The following AGBL3 variants were observed in gnomAD, a reference collection of about 807,000 sequenced individuals.
AGBL3 encodes AGBL carboxypeptidase 3.
AGBL3 carries 68 observed loss-of-function variants against 94.5 expected under a neutral mutation model. The ratio of observed to expected loss-of-function variants is 0.72; its 90% CI spans 0.59 to 0.88. AGBL3 has a LOEUF of 0.88. AGBL3 is among the 40% of genes least tolerant of loss of function. The probability of loss-of-function intolerance (pLI) is 0.00; values close to 1 mark genes in which losing one functional copy is unlikely to be tolerated. For missense variants in AGBL3, 934 were observed against 1,103.8 expected (o/e 0.85, Z 2.18); for synonymous variants, 354 against 370.7 (o/e 0.95, Z 0.52).
chr7:135,012,263 T>A (rs1046902824), intron 4 of AGBL3: 8 of 152,148 alleles, frequency 5.3e-5, no homozygotes, highest in Admixed American at 4.6e-4. Context: ...TGCATATATA[T>A]GAATGCTTAG....
rs6964539 is a variant in AGBL3 at position 135,085,886 on chromosome 7, A to G, written c.2110+4096A>G. ...TTTTTCCATTTCTGTGAAGAATGTT[A>G]TTGGTATTTTGATAGGGAGTGCATT... On this transcript the variant is annotated intron_variant, in intron 15 of 16. Coordinates refer to ENST00000436302, the MANE Select transcript of AGBL3 (RefSeq NM_178563.4). 7.1e-3 allele frequency among the ~76,000 whole-genome samples: 1,083 copies of G among 152,096 alleles called. 15 individuals are homozygous for G. Among genetic ancestry groups the G allele is most frequent in the African/African-American group, 0.025 (1,023 of 41,522 alleles).
intron 6 of AGBL3, 41 bp downstream of exon 6, chr7:135,033,023 A>G: frequency 2.0e-6 from 3 of 1,484,550 alleles, no homozygotes; most frequent in Non-Finnish European, 2.7e-6. Flanking sequence ...TAGACCATCA[A>G]CTATTATTTT....
chr7:135,079,425 T>C (rs1243876663), intron 13 of AGBL3, among the ~76,000 whole-genome samples: 5 of 152,108 alleles, frequency 3.3e-5, no homozygotes, highest in African/African-American at 1.2e-4. Flanking sequence ...GTTTGAGCTT[T>C]TAACTCCATT....
At chr7:135,076,735 G>A (rs755321014) in intron 13 of AGBL3, among the ~76,000 whole-genome samples, 146 of 152,188 alleles carry the variant, frequency 9.6e-4, no homozygotes, top group Non-Finnish European at 2.0e-3. Flanking sequence ...ATCCAGGGTA[G>A]CAAGAATAAA....
At chr7:135,090,140 C>T (rs1357839980) in intron 15 of AGBL3, among the ~76,000 whole-genome samples, 1 of 152,094 alleles carries the variant, frequency 6.6e-6, no homozygotes, top group East Asian at 1.9e-4. Context: ...CAGTGATAAC[C>T]CAGATTCCAG....
intron 9 of AGBL3, among the ~76,000 whole-genome samples, chr7:135,045,063 A>ATAG (rs1817227230): frequency 6.6e-6 from 1 of 151,782 alleles, no homozygotes; most frequent in Non-Finnish European, 1.5e-5. Context: ...TTATGGCTGC[A>ATAG]TAGTATTCCA....
Position 134,993,643 on chromosome 7 carries a change from A to G in AGBL3, c.275A>G (p.His92Arg). The change falls in exon 4 of 17, where the codon CAT becomes CGT. Residue 92 changes from histidine to arginine, a missense_variant. Physicochemically the swap from His to Arg is conservative, Grantham distance 29. Around this residue, in one of 3 missense-constraint regions of AGBL3, gnomAD observed 488 missense variants for 563.6 expected, o/e 0.87. Transcript: ENST00000436302. ...TTGAGCCCAACACGGTGGCCATACCATTGTGAAGTCATCGATGAAAAAGTC... is the reference window on the plus strand; with the variant it reads ...TTGAGCCCAACACGGTGGCCATACCGTTGTGAAGTCATCGATGAAAAAGTC... ...GPLSPTRWPY[H>R]CEVIDEKVQH... 1 of 1,551,380 alleles carries G rather than the reference A, an allele frequency of 6.4e-7. No individual in the cohort carries two copies. The highest frequency in any genetic ancestry group is 8.7e-7 in the Non-Finnish European group (1 of 1,146,738).
At chr7:135,026,914 T>C (rs1457929615) in intron 5 of AGBL3, among the ~76,000 whole-genome samples, 3 of 151,694 alleles carry the variant, frequency 2.0e-5, no homozygotes, top group Non-Finnish European at 2.9e-5. Flanking sequence ...CAGTTACTCC[T>C]CTTTTTGGGA....
intron 11 of AGBL3, chr7:135,050,896 C>T: frequency 2.7e-5 from 8 of 300,138 alleles, no homozygotes; most frequent in East Asian, 1.1e-4. Context: ...GAGTTTAGTC[C>T]ATTTATACTT....
intron 12 of AGBL3, among the ~76,000 whole-genome samples, chr7:135,073,949 T>G (rs995044861): frequency 2.0e-5 from 3 of 152,186 alleles, no homozygotes; most frequent in African/African-American, 7.2e-5. Flanking sequence ...TAAGACAATA[T>G]GAGGGGTGGT....
chr7:135,119,277 T>A (rs563589490), intron 16 of AGBL3, among the ~76,000 whole-genome samples: 11 of 152,176 alleles, frequency 7.2e-5, no homozygotes, highest in African/African-American at 2.6e-4. Flanking sequence ...TTACCCAGGC[T>A]GGAGTCCAGT....
At chr7:135,046,885 TTTC>T (rs1817415259) in intron 11 of AGBL3, among the ~76,000 whole-genome samples, 1 of 152,114 alleles carries the variant, frequency 6.6e-6, no homozygotes, top group Admixed American at 6.6e-5. Flanking sequence ...TTTCGTGGCT[TTTC>T]TTCTTCCAGC....
At chr7:135,007,361 G>C (rs1259629158) in intron 4 of AGBL3, among the ~76,000 whole-genome samples, 2 of 151,924 alleles carry the variant, frequency 1.3e-5, no homozygotes, top group African/African-American at 4.8e-5. Context: ...AATCTATCCA[G>C]ATATGTTGTT....
intron 4 of AGBL3, chr7:135,011,951 G>A (rs1813209524): frequency 1.3e-5 from 2 of 152,136 alleles, no homozygotes; most frequent in African/African-American, 4.8e-5. Flanking sequence ...GGTGCTCTAA[G>A]CAATATGTAT....
At chr7:135,090,821 T>A (rs1212796093) in intron 15 of AGBL3, among the ~76,000 whole-genome samples, 1 of 152,080 alleles carries the variant, frequency 6.6e-6, no homozygotes, top group South Asian at 2.1e-4. Context: ...GAGCTCAGTT[T>A]GAGGATGTTG....
At chr7:135,004,634 A>ATTTT in intron 4 of AGBL3, among the ~76,000 whole-genome samples, 1 of 151,004 alleles carries the variant, frequency 6.6e-6, no homozygotes, top group South Asian at 2.1e-4. Context: ...AGTTTTGGTT[A>ATTTT]TTTTCCTAGA....
Position 134,998,651 on chromosome 7 carries a change from T to C in AGBL3, c.310+4973T>C, listed in dbSNP as rs188431817. On this transcript the variant is annotated intron_variant, in intron 4 of 16. Coordinates refer to ENST00000436302, the MANE Select transcript of AGBL3 (RefSeq NM_178563.4). ...ATAGGTACAGAACTAGTGGGCTATC[T>C]TGACCACCAGGAAATACAGCTGCAT... is the stretch of plus-strand genomic sequence containing the variant. 8.2e-3 allele frequency among the ~76,000 whole-genome samples: 1,247 copies of C among 152,340 alleles called. 5 individuals carry two copies. Among genetic ancestry groups the C allele is most frequent in the Middle Eastern group, 0.024 (7 of 294 alleles).
At chr7:135,057,726 T>C (rs1210812163) in intron 11 of AGBL3, among the ~76,000 whole-genome samples, 2 of 152,204 alleles carry the variant, frequency 1.3e-5, no homozygotes, top group Non-Finnish European at 2.9e-5. Context: ...GCAACCAAAA[T>C]GTCCTTCAAT....
intron 5 of AGBL3, among the ~76,000 whole-genome samples, chr7:135,029,363 TTGC>T (rs1815484439): frequency 6.6e-6 from 1 of 152,238 alleles, no homozygotes; most frequent in African/African-American, 2.4e-5. Context: ...ACTGGACAAC[TTGC>T]TGAAGTTTCT....
Sources: allele counts gnomAD v4.1 joint callset (sites outside exome capture counted in the v4.1 genomes callset), GRCh38; gene constraint gnomAD v4.1.1; regional missense constraint gnomAD v4.1.1; transcripts MANE v1.5; gene names NCBI Gene and HGNC (gene_info 2026-07-23, HGNC 2026-07-21).